Variants in KDM4C observed in about 807,000 individuals in gnomAD.
KDM4C encodes lysine-specific demethylase 4C.
Under a neutral mutation model 129.3 loss-of-function variants are expected in KDM4C, and 81 were observed. The ratio of observed to expected loss-of-function variants is 0.63; its 90% CI spans 0.52 to 0.75. KDM4C has a LOEUF of 0.75. Among genes scored for constraint, KDM4C ranks in the 30% least tolerant of loss-of-function variants. KDM4C has a pLI of 0.00. For missense variants in KDM4C, 1,457 were observed against 1,304.0 expected (o/e 1.12, Z -1.81); for synonymous variants, 573 against 456.1 (o/e 1.26, Z -3.26).
intron 1 of KDM4C, among the ~76,000 whole-genome samples, chr9:6,760,539 CTT>C (rs964868750): frequency 1.5e-4 from 21 of 141,720 alleles, no homozygotes; most frequent in East Asian, 4.0e-4. Flanking sequence ...GGGTGATACT[CTT>C]TTTTATTTAT....
chr9:6,855,613 C>T (rs1367620649), intron 5 of KDM4C, among the ~76,000 whole-genome samples: 1 of 152,014 alleles, frequency 6.6e-6, no homozygotes, highest in Admixed American at 6.6e-5. Flanking sequence ...TTTATTTCTC[C>T]CTCCCTCCAC....
At chr9:6,747,126 G>C (rs964496795) in intron 1 of KDM4C, among the ~76,000 whole-genome samples, 6 of 151,724 alleles carry the variant, frequency 4.0e-5, no homozygotes, top group African/African-American at 1.5e-4. Context: ...CCAGGGAGTT[G>C]GGGCTGCCAT....
chr9:6,763,161 C>G (rs1461232554), intron 1 of KDM4C, among the ~76,000 whole-genome samples: 4 of 152,126 alleles, frequency 2.6e-5, no homozygotes, highest in Non-Finnish European at 5.9e-5. Context: ...CCCCCCTGCT[C>G]CTGCTTCAAG....
intron 8 of KDM4C, chr9:6,942,469 G>C (rs1247376436): frequency 6.7e-6 from 1 of 149,350 alleles, no homozygotes; most frequent in Non-Finnish European, 1.5e-5. Flanking sequence ...GTACTGTGTT[G>C]ACGAGGAAGA....
chr9:7,089,979 G>A (rs1835607289), intron 17 of KDM4C, among the ~76,000 whole-genome samples: 1 of 152,332 alleles, frequency 6.6e-6, no homozygotes, highest in Middle Eastern at 3.4e-3. Context: ...GCCCATGCCA[G>A]TGCATCTTCC....
chr9:7,052,894 A>AGAGAGCGC (rs1554718520), intron 17 of KDM4C, among the ~76,000 whole-genome samples: 1 of 105,468 alleles, frequency 9.5e-6, no homozygotes, highest in Admixed American at 9.4e-5. Context: ...AGAGAGAGAG[A>AGAGAGCGC]GAGAGAGCGA....
At chr9:7,118,797 T>C (rs919028672) in intron 18 of KDM4C, among the ~76,000 whole-genome samples, 1 of 152,152 alleles carries the variant, frequency 6.6e-6, no homozygotes, top group Non-Finnish European at 1.5e-5. Flanking sequence ...CATATGTAGA[T>C]AGAGAACCCA....
chr9:6,786,678 A>T (rs1825565804), intron 1 of KDM4C, among the ~76,000 whole-genome samples: 1 of 152,196 alleles, frequency 6.6e-6, no homozygotes. Context: ...TAAAAGAGAA[A>T]CAAGAGGGAC....
rs115813250 is a variant in KDM4C, at chr9:7,103,858, C to G, written c.2598C>G (p.Val866=). The change falls in exon 18 of 22, where the codon GTC becomes GTG. Residue 866 remains valine (V), a synonymous_variant. Coordinates refer to ENST00000381309, the MANE Select transcript of KDM4C (RefSeq NM_015061.6). ...ACATTACATGCTTTCGACATAAGGT[C>G]AACCCCAACGTGGTAAGATGTGCCC... is the stretch of plus-strand genomic sequence containing the variant. The part of the protein sequence containing the change: ...VVNITCFRHK[V]NPNVKSKACE... 2,193 of 1,613,832 alleles carry G rather than the reference C, an allele frequency of 1.4e-3. 36 individuals carry two copies. The African/African-American group carries it at 0.026, about 19-fold the overall frequency.
intron 21 of KDM4C, among the ~76,000 whole-genome samples, chr9:7,172,442 G>A (rs916052643): frequency 6.6e-6 from 1 of 152,212 alleles, no homozygotes; most frequent in Non-Finnish European, 1.5e-5. Context: ...TTTCTGCACA[G>A]TGGCAACACT....
intron 1 of KDM4C, among the ~76,000 whole-genome samples, chr9:6,744,017 G>A (rs1817793562): frequency 6.9e-6 from 1 of 145,934 alleles, no homozygotes; most frequent in Non-Finnish European, 1.5e-5. Context: ...CAAATTATTG[G>A]GATTACAGGT....
At chr9:7,052,900 A>AGAGAGAGAGAGAGAGAGAGAGC (rs1564049799) in intron 17 of KDM4C, among the ~76,000 whole-genome samples, 1 of 10,002 alleles carries the variant, frequency 1.0e-4, no homozygotes, top group African/African-American at 5.4e-4. Context: ...AGAGAGAGAG[A>AGAGAGAGAGAGAGAGAGAGAGC]GCGAGCGAGT....
chr9:6,975,133 A>G (rs1041898786), intron 8 of KDM4C, among the ~76,000 whole-genome samples: 3 of 152,210 alleles, frequency 2.0e-5, no homozygotes, highest in Non-Finnish European at 4.4e-5. Context: ...GCCTTACTTT[A>G]TAAGGGAGAC....
At chr9:7,060,249 C>T (rs1253956906) in intron 17 of KDM4C, among the ~76,000 whole-genome samples, 2 of 150,110 alleles carry the variant, frequency 1.3e-5, no homozygotes, top group Non-Finnish European at 3.0e-5. Flanking sequence ...CTGGCAAGAA[C>T]GTGGAGAACA....
At chr9:6,953,723 C>T (rs188945199) in intron 8 of KDM4C, among the ~76,000 whole-genome samples, 29 of 152,272 alleles carry the variant, frequency 1.9e-4, no homozygotes, top group African/African-American at 6.0e-4. Flanking sequence ...TTTTTAAAAA[C>T]GTCAACTATA....
intron 17 of KDM4C, among the ~76,000 whole-genome samples, chr9:7,068,958 A>G (rs1189640011): frequency 6.6e-6 from 1 of 151,648 alleles, no homozygotes; most frequent in Admixed American, 6.6e-5. Flanking sequence ...CAGCCTCCCA[A>G]AGTGCTGGGA....
chr9:6,913,009 A>G (rs1819610113), intron 8 of KDM4C, among the ~76,000 whole-genome samples: 1 of 152,208 alleles, frequency 6.6e-6, no homozygotes, highest in Non-Finnish European at 1.5e-5. Flanking sequence ...AACAAAAAAT[A>G]AAAAATAAAA....
intron 12 of KDM4C, among the ~76,000 whole-genome samples, chr9:7,007,128 C>T (rs763714988): frequency 6.6e-6 from 1 of 152,196 alleles, no homozygotes; most frequent in Admixed American, 6.5e-5. Context: ...TAGGATGGCC[C>T]TTTTAGCCAC....
At chr9:6,816,361 G>T (rs1019006833) in intron 4 of KDM4C, among the ~76,000 whole-genome samples, 11 of 152,122 alleles carry the variant, frequency 7.2e-5, no homozygotes, top group African/African-American at 2.7e-4. Context: ...AACATTACCA[G>T]CACCGTAGAA....
Sources: gnomAD v4.1 joint callset for allele counts (sites outside exome capture counted in the v4.1 genomes callset) on GRCh38, gnomAD v4.1.1 for gene constraint, MANE v1.5 for transcripts, NCBI Gene and HGNC (gene_info 2026-07-23, HGNC 2026-07-21) for gene names.